MAPK10: variants seen among roughly 807,000 people sequenced by gnomAD.
MAPK10 encodes JNK3 alpha protein kinase.
In MAPK10, 25 loss-of-function variants were observed where a neutral mutation model predicts 59.3. The ratio of observed to expected loss-of-function variants is 0.42; its 90% CI spans 0.31 to 0.59. The LOEUF (loss-of-function observed/expected upper bound fraction) is 0.59, where lower values mean the gene tolerates loss of function less well. Among genes scored for constraint, MAPK10 ranks in the 20% least tolerant of loss-of-function variants. The pLI, the probability that MAPK10 is intolerant of heterozygous loss-of-function variation, is 0.15. For synonymous variants in MAPK10, 190 were observed against 200.5 expected (o/e 0.95, Z 0.44); for missense variants, 351 against 568.9 (o/e 0.62, Z 3.90).
At chr4:86,107,026 T>G in intron 5 of MAPK10, 197 bp downstream of exon 5, 1 of 382,368 alleles carries the variant, frequency 2.6e-6, no homozygotes, top group South Asian at 6.2e-5. Context: ...CCACATCATA[T>G]GGTTTTTAGG....
intron 3 of MAPK10, chr4:86,193,004 T>A (rs2080304990): frequency 6.6e-6 from 1 of 152,302 alleles, no homozygotes; most frequent in South Asian, 2.1e-4. Flanking sequence ...CCTTTCTGTT[T>A]GTTAGTTTTC....
intron 1 of MAPK10, among the ~76,000 whole-genome samples, chr4:86,397,865 A>C (rs1261225754): frequency 1.4e-5 from 1 of 70,254 alleles, no homozygotes; most frequent in Admixed American, 1.4e-4. Flanking sequence ...CTGCTATGGC[A>C]AAAAAAAAAA....
intron 10 of MAPK10, chr4:86,065,731 A>G (rs2148990271): frequency 6.6e-6 from 1 of 152,310 alleles, no homozygotes; most frequent in South Asian, 2.1e-4. Context: ...TCAAATCAAT[A>G]TTGTTACTCA....
intron 2 of MAPK10, among the ~76,000 whole-genome samples, chr4:86,279,009 G>C (rs748770977): frequency 6.6e-6 from 1 of 152,108 alleles, no homozygotes; most frequent in African/African-American, 2.4e-5. Context: ...TTCATCATTT[G>C]TTAATAGTAA....
intron 2 of MAPK10, chr4:86,332,712 T>C (rs533457681): frequency 7.9e-5 from 12 of 152,244 alleles, no homozygotes; most frequent in African/African-American, 2.9e-4. Context: ...ATAACAGAGA[T>C]GGTGATCTAA....
rs891767100 is a variant in MAPK10, at chr4:86,013,530, C to T, written c.*3698G>A. ...TTTTCATATGTTAAGAGATTCAAAT[C>T]GAAATAGATTTTGTATAATTTAGGT... On this transcript the variant is annotated 3_prime_UTR_variant, in exon 14 of 14. Coordinates refer to ENST00000641462, the MANE Select transcript of MAPK10 (RefSeq NM_138982.4). 7.2e-5 allele frequency: 11 copies of T among 152,122 alleles called. No homozygotes were observed. The highest frequency in any genetic ancestry group is 2.4e-4 in the African/African-American group (10 of 41,500). The allele number at this position is 152,122 out of a possible 1,614,324, so 9.4% of individuals were successfully genotyped here.
chr4:86,062,758 A>C (rs1207288074), intron 11 of MAPK10, among the ~76,000 whole-genome samples: 1 of 152,116 alleles, frequency 6.6e-6, no homozygotes, highest in East Asian at 1.9e-4. Context: ...TTTATACTTA[A>C]TTTTTGTAAA....
chr4:86,378,552 G>A (rs942648530), intron 1 of MAPK10, among the ~76,000 whole-genome samples: 7 of 152,228 alleles, frequency 4.6e-5, no homozygotes, highest in East Asian at 3.8e-4. Context: ...GTGTGAGGAT[G>A]AGGATGATAT....
chr4:86,102,661 C>G (rs920384876), intron 6 of MAPK10, among the ~76,000 whole-genome samples: 1 of 152,130 alleles, frequency 6.6e-6, no homozygotes, highest in Non-Finnish European at 1.5e-5. Flanking sequence ...GCTGGGACTA[C>G]AGGTGCATGC....
intron 4 of MAPK10, among the ~76,000 whole-genome samples, chr4:86,128,723 T>C (rs1037797809): frequency 6.6e-6 from 1 of 152,122 alleles, no homozygotes; most frequent in African/African-American, 2.4e-5. Flanking sequence ...TGAAATTATT[T>C]AGAAATAAGA....
chr4:86,377,585 G>A (rs1740016076), intron 1 of MAPK10, among the ~76,000 whole-genome samples: 1 of 152,144 alleles, frequency 6.6e-6, no homozygotes, highest in African/African-American at 2.4e-5. Context: ...ATACCCAGAA[G>A]AGTTCATAGT....
intron 1 of MAPK10, among the ~76,000 whole-genome samples, chr4:86,571,315 GAT>G (rs908170626): frequency 7.6e-6 from 1 of 130,936 alleles, no homozygotes; most frequent in Admixed American, 8.2e-5. Flanking sequence ...ATATTTACTG[GAT>G]ATATATATAC....
chr4:86,322,973 G>A (rs2095934353), intron 2 of MAPK10, among the ~76,000 whole-genome samples: 1 of 152,128 alleles, frequency 6.6e-6, no homozygotes, highest in Non-Finnish European at 1.5e-5. Flanking sequence ...TCAGGAGTTC[G>A]AGGCCAACCT....
chr4:86,280,140 A>C (rs558191057), intron 2 of MAPK10, among the ~76,000 whole-genome samples: 16 of 152,318 alleles, frequency 1.1e-4, no homozygotes, highest in South Asian at 6.2e-4. Flanking sequence ...GCAGAAGCAG[A>C]GCAAAAGAAA....
At chr4:86,507,773 G>A (rs1755912735) in intron 1 of MAPK10, among the ~76,000 whole-genome samples, 1 of 149,236 alleles carries the variant, frequency 6.7e-6, no homozygotes, top group African/African-American at 2.5e-5. Context: ...TCAAAATGGA[G>A]CCACTTGTGT....
chr4:86,228,944 G>C (rs1308442140), intron 2 of MAPK10, among the ~76,000 whole-genome samples: 1 of 152,116 alleles, frequency 6.6e-6, no homozygotes, highest in Non-Finnish European at 1.5e-5. Flanking sequence ...ACTATGCATA[G>C]TTCAAAACAT....
intron 1 of MAPK10, among the ~76,000 whole-genome samples, chr4:86,387,419 G>C (rs1008876214): frequency 2.6e-5 from 4 of 152,104 alleles, no homozygotes; most frequent in African/African-American, 9.7e-5. Flanking sequence ...CAGGAAATTA[G>C]AGCTTCCTTT....
At chr4:86,020,126 TG>T (rs1239071131) in intron 13 of MAPK10, 2 of 152,264 alleles carry the variant, frequency 1.3e-5, no homozygotes, top group African/African-American at 4.8e-5. Context: ...ATCTACTTTT[TG>T]CCTCTATAAA....
upstream of MAPK10, among the ~76,000 whole-genome samples, chr4:86,361,647 C>CAAA (rs1422686942): frequency 6.6e-6 from 1 of 151,654 alleles, no homozygotes; most frequent in Non-Finnish European, 1.5e-5. Context: ...ATTATGCATA[C>CAAA]CACACACAAA....
Sources: gnomAD v4.1 joint callset for allele counts (sites outside exome capture counted in the v4.1 genomes callset) on GRCh38, gnomAD v4.1.1 for gene constraint, MANE v1.5 for transcripts, NCBI Gene and HGNC (gene_info 2026-07-23, HGNC 2026-07-21) for gene names.